RARRES1: variants seen among roughly 807,000 people sequenced by gnomAD.
RARRES1 encodes the protein retinoic acid receptor responder protein 1.
RARRES1 carries 34 observed loss-of-function variants against 30.6 expected under a neutral mutation model. The observed-to-expected ratio is 1.11, with a 90% CI of 0.84 to 1.48. RARRES1 has a LOEUF of 1.48. Ranked by LOEUF, RARRES1 falls within the 40% of genes most tolerant of loss-of-function variation. The probability of loss-of-function intolerance (pLI) is 0.00; values close to 1 mark genes in which losing one functional copy is unlikely to be tolerated. For missense variants in RARRES1, 373 were observed against 386.5 expected, an observed-to-expected ratio of 0.97 and a Z score of 0.29; for synonymous variants, 153 against 155.5, an observed-to-expected ratio of 0.98 and a Z score of 0.12.
At chr3:158,707,039 C>G (rs113894627) in intron 3 of RARRES1, among the ~76,000 whole-genome samples, 15 of 152,220 alleles carry the variant, frequency 9.9e-5, no homozygotes, top group African/African-American at 3.1e-4. Flanking sequence ...TGTGGTGGCA[C>G]ACGCCTGTAA....
chr3:158,702,070 C>T (rs1726746392), intron 4 of RARRES1, among the ~76,000 whole-genome samples: 1 of 152,090 alleles, frequency 6.6e-6, no homozygotes. Flanking sequence ...CAGAGTCTTG[C>T]TCTGTCGCCC....
At chr3:158,732,107 G>A in intron 1 of RARRES1, 33 bp downstream of exon 1, 1 of 1,312,384 alleles carries the variant, frequency 7.6e-7, no homozygotes, top group African/African-American at 1.5e-5. Context: ...CGGACAGGCA[G>A]GCGCGTGCCC....
In RARRES1 at chr3:158,723,335, G is replaced by A. The variant is rs1422798955; in HGVS notation, c.276+8805C>T. On this transcript the variant is annotated intron_variant, in intron 1 of 5. Coordinates refer to ENST00000237696, the MANE Select transcript of RARRES1 (RefSeq NM_206963.2). This position sits in a 1 kb window ranked among gnomAD's most constrained non-coding sequence, Gnocchi z 4.4. ...AAAAGCAAACTTCGTCATTTTATAA[G>A]GTTACTTTTATGAGTCAGGCTTGGT... is the stretch of plus-strand genomic sequence containing the variant. Among the ~76,000 whole-genome samples, 1 of 152,166 alleles carries A rather than the reference G, an allele frequency of 6.6e-6. No individual in the cohort carries two copies. The highest frequency in any genetic ancestry group is 1.5e-5 in the Non-Finnish European group (1 of 68,038).
intron 1 of RARRES1, among the ~76,000 whole-genome samples, chr3:158,715,591 G>T (rs980184010): frequency 6.6e-6 from 1 of 152,176 alleles, no homozygotes; most frequent in African/African-American, 2.4e-5. Flanking sequence ...ACAGGGTTTA[G>T]GACAGTGCCT....
chr3:158,708,064 G>A (rs773217869), intron 3 of RARRES1, among the ~76,000 whole-genome samples: 16 of 152,182 alleles, frequency 1.1e-4, no homozygotes, highest in Non-Finnish European at 2.2e-4. Context: ...TTCCTGACAA[G>A]AATATCAGCA....
rs1205371687 is a variant in RARRES1, at chr3:158,723,577, C to T, written c.276+8563G>A. On this transcript the variant is annotated intron_variant, in intron 1 of 5. Coordinates refer to ENST00000237696, the MANE Select transcript of RARRES1 (RefSeq NM_206963.2). The surrounding 1 kb of genome is among the most constrained non-coding windows in gnomAD (Gnocchi z 4.4). ...GCAGTGGGGCCCAAGGAGCTCTTTG[C>T]GTGCGAATGCTTTGCTTTCTCAGGC... 1.3e-5 allele frequency among the ~76,000 whole-genome samples: 2 copies of T among 152,236 alleles called. No individual in the cohort carries two copies. Among genetic ancestry groups the T allele is most frequent in the Non-Finnish European group, 2.9e-5 (2 of 68,042 alleles).
At chr3:158,720,929 C>T (rs1727494632) in intron 1 of RARRES1, among the ~76,000 whole-genome samples, 1 of 152,182 alleles carries the variant, frequency 6.6e-6, no homozygotes, top group African/African-American at 2.4e-5. Context: ...TTCTTAGTCA[C>T]TGAGGGTTAG....
intron 4 of RARRES1, among the ~76,000 whole-genome samples, chr3:158,701,387 A>T (rs193108723): frequency 3.7e-4 from 56 of 151,216 alleles, no homozygotes; most frequent in African/African-American, 1.3e-3. Flanking sequence ...CTCTTCCCTC[A>T]GGCCTTGTTC....
At chr3:158,730,337 A>C (rs1727832862) in intron 1 of RARRES1, among the ~76,000 whole-genome samples, 1 of 144,658 alleles carries the variant, frequency 6.9e-6, no homozygotes, top group South Asian at 2.2e-4. Context: ...AAAAAAAAAA[A>C]ACAAAGACAG....
At chr3:158,705,158 T>C (rs942954537) in intron 3 of RARRES1, among the ~76,000 whole-genome samples, 19 of 152,226 alleles carry the variant, frequency 1.2e-4, no homozygotes, top group Non-Finnish European at 2.8e-4. Context: ...GGCCATTTGC[T>C]GTACTGTATA....
At chr3:158,715,370 A>G (rs1425022396) in intron 1 of RARRES1, among the ~76,000 whole-genome samples, 1 of 152,214 alleles carries the variant, frequency 6.6e-6, no homozygotes, top group African/African-American at 2.4e-5. Flanking sequence ...TTGAGGAGCC[A>G]GTGTTAGACA....
At chr3:158,704,210 C>CTTTTTTTT (rs78169321) in intron 4 of RARRES1, among the ~76,000 whole-genome samples, 3 of 82,808 alleles carry the variant, frequency 3.6e-5, no homozygotes, top group Non-Finnish European at 4.6e-5. Context: ...TATTGCAATA[C>CTTTTTTTT]TTTTTTTTTT....
At chr3:158,725,266 A>G (rs1314513330) in intron 1 of RARRES1, among the ~76,000 whole-genome samples, 2 of 152,226 alleles carry the variant, frequency 1.3e-5, no homozygotes, top group Admixed American at 6.5e-5. Flanking sequence ...CTGAGGCACC[A>G]TCCAAAAAGG....
In RARRES1 at chr3:158,699,185, C is replaced by T. The variant is rs149612984; in HGVS notation, c.673-1215G>A. On this transcript the variant is annotated intron_variant, in intron 4 of 5. Coordinates refer to ENST00000237696, the MANE Select transcript of RARRES1 (RefSeq NM_206963.2). ...CACATAGACCGTGCACCTGCTTGCA[C>T]CCTCTTCTGCATGCCATTTATGCCA... Among the ~76,000 whole-genome samples the T allele has an allele frequency of 5.7e-4, 87 of 152,246 alleles. No individual in the cohort carries two copies. In the South Asian group the frequency reaches 0.014, roughly 24 times the overall value.
chr3:158,712,344 T>C (rs1239760910), intron 2 of RARRES1, among the ~76,000 whole-genome samples: 2 of 152,058 alleles, frequency 1.3e-5, no homozygotes, highest in Non-Finnish European at 2.9e-5. Context: ...TGAGCCATGA[T>C]CATCGCACTT....
chr3:158,711,049 G>A (rs751270548), intron 2 of RARRES1, 116 bp from the exon 3 acceptor site: 6 of 940,068 alleles, frequency 6.4e-6, no homozygotes, highest in Non-Finnish European at 9.8e-6. Flanking sequence ...ATCAATAGAT[G>A]TAGTGGGTTT....
intron 1 of RARRES1, among the ~76,000 whole-genome samples, chr3:158,726,892 A>C (rs1727707616): frequency 6.6e-6 from 1 of 152,130 alleles, no homozygotes; most frequent in Non-Finnish European, 1.5e-5. Flanking sequence ...TGGATTATGG[A>C]GGTGGGTCCT....
chr3:158,728,528 T>TTTTTTG (rs1553746141), intron 1 of RARRES1, among the ~76,000 whole-genome samples: 1 of 148,102 alleles, frequency 6.8e-6, no homozygotes, highest in African/African-American at 2.5e-5. Context: ...TTTTTTTTTT[T>TTTTTTG]TTTTTTGGTT....
At chr3:158,711,638 TG>T (rs1727140350) in intron 2 of RARRES1, among the ~76,000 whole-genome samples, 1 of 146,226 alleles carries the variant, frequency 6.8e-6, no homozygotes, top group South Asian at 2.2e-4. Flanking sequence ...GAGTCCTGCC[TG>T]GGTGGGAGTG....
Sources: gnomAD v4.1 joint callset for allele counts (sites outside exome capture counted in the v4.1 genomes callset) on GRCh38, gnomAD v4.1.1 for gene constraint, Gnocchi (gnomAD v3.1) non-coding constraint, MANE v1.5 for transcripts, NCBI Gene and HGNC (gene_info 2026-07-23, HGNC 2026-07-21) for gene names.